The following PLGRKT variants were observed in gnomAD, a reference collection of about 807,000 sequenced individuals.
PLGRKT encodes the protein plasminogen receptor with a C-terminal lysine.
Under a neutral mutation model 18.5 loss-of-function variants are expected in PLGRKT, and 22 were observed. That is an observed-to-expected ratio of 1.19 (90% CI 0.85 to 1.70). PLGRKT has a LOEUF of 1.70. Ranked by LOEUF, PLGRKT falls within the 40% of genes most tolerant of loss-of-function variation. PLGRKT has a pLI of 0.00. For missense variants in PLGRKT, 235 were observed against 174.4 expected, an observed-to-expected ratio of 1.35 and a Z score of -1.96; for synonymous variants, 72 against 52.8, an observed-to-expected ratio of 1.36 and a Z score of -1.58.
intron 3 of PLGRKT, among the ~76,000 whole-genome samples, chr9:5,424,229 A>T (rs936480213): frequency 7.3e-6 from 1 of 137,906 alleles, no homozygotes; most frequent in Admixed American, 7.9e-5. Context: ...ATATATATGT[A>T]TTTATATGTG....
At chr9:5,424,870 G>A (rs746320582) in intron 3 of PLGRKT, among the ~76,000 whole-genome samples, 4 of 150,844 alleles carry the variant, frequency 2.7e-5, no homozygotes, top group East Asian at 1.9e-4. Context: ...GGGTTTCACC[G>A]TATTGACCAG....
rs142603280 is a variant in PLGRKT at position 5,391,599 on chromosome 9, A to G, written c.82-29711T>C. Among the ~76,000 whole-genome samples the G allele has an allele frequency of 7.0e-3, 1,063 of 152,046 alleles. 8 individuals carry two copies. The highest frequency in any genetic ancestry group is 0.022 in the South Asian group (107 of 4,830). On this transcript the variant is annotated intron_variant, in intron 3 of 5. Transcript: ENST00000223864. ...TCTCCATGTCACCCTGTAATCAGTG[A>G]CACACATTTTGGAGACTGTCCTCCA...
At chr9:5,438,075 G>T (rs1469580241), upstream of PLGRKT, among the ~76,000 whole-genome samples, 2 of 152,232 alleles carry the variant, frequency 1.3e-5, no homozygotes, top group African/African-American at 4.8e-5. Context: ...TCAGCTGCCA[G>T]ATTTTTGAGA....
At chr9:5,435,487 T>C (rs530884662) in intron 2 of PLGRKT, among the ~76,000 whole-genome samples, 1 of 152,180 alleles carries the variant, frequency 6.6e-6, no homozygotes, top group Admixed American at 6.5e-5. Context: ...ACTCTCATTC[T>C]CTCCAAGATA....
chr9:5,365,099 A>T (rs1294181189), intron 3 of PLGRKT, among the ~76,000 whole-genome samples: 1 of 140,616 alleles, frequency 7.1e-6, no homozygotes, highest in Non-Finnish European at 1.5e-5. Context: ...AAACACCCAG[A>T]CATGATTTCT....
intron 3 of PLGRKT, among the ~76,000 whole-genome samples, chr9:5,394,263 G>T (rs1208597948): frequency 1.3e-5 from 2 of 151,788 alleles, no homozygotes; most frequent in Non-Finnish European, 2.9e-5. Flanking sequence ...AGCAGGGAAG[G>T]CAGAGGAGGC....
rs568229287 is a variant in PLGRKT, at chr9:5,410,472, C to T, written c.81+21425G>A. On this transcript the variant is annotated intron_variant, in intron 3 of 5. Transcript: ENST00000223864. ...CAAGATCGTGCCACTGCACATCAGC[C>T]TGGGTAACAGAGCAAGACTCTGTCT... Among the ~76,000 whole-genome samples the T allele has an allele frequency of 3.3e-5, 5 of 149,298 alleles. No homozygotes were observed. In the South Asian group the frequency reaches 8.4e-4, roughly 25 times the overall value.
chr9:5,424,792 G>C (rs1172859653), intron 3 of PLGRKT, among the ~76,000 whole-genome samples: 1 of 149,354 alleles, frequency 6.7e-6, no homozygotes, highest in African/African-American at 2.5e-5. Context: ...CTGGGCTTAA[G>C]TGATCCTCCT....
At chr9:5,415,760 A>G (rs1818447279) in intron 3 of PLGRKT, among the ~76,000 whole-genome samples, 1 of 152,158 alleles carries the variant, frequency 6.6e-6, no homozygotes. Flanking sequence ...TATTGAACAA[A>G]CCCAAAGTAA....
chr9:5,412,406 C>G (rs975647852), intron 3 of PLGRKT, among the ~76,000 whole-genome samples: 1 of 152,196 alleles, frequency 6.6e-6, no homozygotes, highest in African/African-American at 2.4e-5. Context: ...ATCCTTTATC[C>G]TCATGAATGA....
At chr9:5,411,507 G>C (rs774623933) in intron 3 of PLGRKT, among the ~76,000 whole-genome samples, 1 of 152,112 alleles carries the variant, frequency 6.6e-6, no homozygotes, top group Non-Finnish European at 1.5e-5. Flanking sequence ...CAGACTCAGA[G>C]AGCCTGTGTC....
intron 3 of PLGRKT, among the ~76,000 whole-genome samples, chr9:5,427,039 C>T (rs951394927): frequency 3.3e-5 from 5 of 152,154 alleles, no homozygotes; most frequent in African/African-American, 1.2e-4. Flanking sequence ...TTTTATTTTT[C>T]ACAGTTTGAG....
Position 5,361,846 on chromosome 9 carries a change from G to T in PLGRKT, c.124C>A (p.Gln42Lys), listed in dbSNP as rs1047856198. The T allele has an allele frequency of 5.6e-6, 9 of 1,612,890 alleles. No individual in the cohort carries two copies. Among genetic ancestry groups the T allele is most frequent in the African/African-American group, 1.3e-5 (1 of 74,888 alleles). ...LIMQSEMRER[Q>K]MAMQIAWSRE... ...GACCACGCAATCTGCATGGCCATTT[G>T]TCTTTCCCTCATTTCACTCTGCATG... The change falls in exon 4 of 6, where the codon CAA (glutamine) becomes AAA (lysine). Residue 42 changes from glutamine (Q) to lysine (K), a missense_variant. Physicochemically the swap from Gln to Lys is moderately conservative, Grantham distance 53. Coordinates refer to ENST00000223864, the MANE Select transcript of PLGRKT (RefSeq NM_018465.4).
intron 3 of PLGRKT, among the ~76,000 whole-genome samples, chr9:5,424,135 A>G (rs1412504475): frequency 1.4e-5 from 2 of 141,072 alleles, no homozygotes; most frequent in Non-Finnish European, 3.0e-5. Flanking sequence ...TATATATTAC[A>G]TATATTATAT....
chr9:5,411,284 C>G (rs1157706979), intron 3 of PLGRKT, among the ~76,000 whole-genome samples: 1 of 150,874 alleles, frequency 6.6e-6, no homozygotes, highest in African/African-American at 2.4e-5. Context: ...ACTCAGGAGG[C>G]TGAGGCAGGA....
rs1818964291 is a variant in PLGRKT, at chr9:5,436,603, T to G, written c.-41A>C. On this transcript the variant is annotated 5_prime_UTR_variant, in exon 2 of 6. Transcript: ENST00000223864. Reference sequence around the variant, plus strand: ...GGCCTTGCTCTCCTGGGTCTGGACTTGTAGTCTGAATGTGTTAGAGGACGC... The same window carrying G: ...GGCCTTGCTCTCCTGGGTCTGGACTGGTAGTCTGAATGTGTTAGAGGACGC... 6.6e-6 allele frequency: 1 copy of G among 152,264 alleles called. No individual in the cohort carries two copies. The highest frequency in any genetic ancestry group is 1.9e-4 in the East Asian group (1 of 5,204). 9.4% of individuals were successfully genotyped at this position (152,264 alleles called of 1,614,324 possible). A position where few individuals can be genotyped will look rare whatever the true frequency, so the allele number is the denominator to read the frequency against.
rs191895720 is a variant in PLGRKT at position 5,367,198 on chromosome 9, C to T, written c.82-5310G>A. Reference sequence around the variant, plus strand: ...GTAAAATACAGATTAAGTGCTATTCCTATCAAACTACCAACATCATTCTTC... The same window carrying T: ...GTAAAATACAGATTAAGTGCTATTCTTATCAAACTACCAACATCATTCTTC... On this transcript the variant is annotated intron_variant, in intron 3 of 5. Coordinates refer to ENST00000223864, the MANE Select transcript of PLGRKT (RefSeq NM_018465.4). 1.0e-3 allele frequency among the ~76,000 whole-genome samples: 156 copies of T among 152,116 alleles called. 1 individual carries two copies. Among genetic ancestry groups the T allele is most frequent in the East Asian group, 1.2e-3 (6 of 5,176 alleles).
intron 3 of PLGRKT, among the ~76,000 whole-genome samples, chr9:5,371,663 C>T (rs796093740): frequency 7.9e-5 from 12 of 152,238 alleles, no homozygotes; most frequent in African/African-American, 2.6e-4. Flanking sequence ...AACTTCTCAA[C>T]CATTATCTAA....
intron 3 of PLGRKT, among the ~76,000 whole-genome samples, chr9:5,422,634 C>A (rs1376172996): frequency 6.6e-6 from 1 of 152,128 alleles, no homozygotes; most frequent in African/African-American, 2.4e-5. Context: ...ACTTGTGAAG[C>A]AACTGAAATT....
Sources: allele counts gnomAD v4.1 joint callset (sites outside exome capture counted in the v4.1 genomes callset), GRCh38; gene constraint gnomAD v4.1.1; transcripts MANE v1.5; gene names NCBI Gene and HGNC (gene_info 2026-07-23, HGNC 2026-07-21).